C3orf20: variants seen among roughly 807,000 people sequenced by gnomAD.
C3orf20 encodes the protein uncharacterized protein C3orf20.
C3orf20 carries 76 observed loss-of-function variants against 88.3 expected under a neutral mutation model. The observed-to-expected ratio is 0.86, with a 90% CI of 0.72 to 1.04. C3orf20 has a LOEUF of 1.04. C3orf20 is among the 50% of genes least tolerant of loss of function. The probability of loss-of-function intolerance (pLI) is 0.00; values close to 1 mark genes in which losing one functional copy is unlikely to be tolerated. For synonymous variants in C3orf20, 436 were observed against 437.4 expected (o/e 1.00, Z 0.04); for missense variants, 1,056 against 1,123.3 (o/e 0.94, Z 0.86).
intron 1 of C3orf20, among the ~76,000 whole-genome samples, chr3:14,681,137 G>A (rs879694219): frequency 3.3e-5 from 5 of 152,234 alleles, no homozygotes; most frequent in Non-Finnish European, 5.9e-5. Flanking sequence ...TGTGCCAGGA[G>A]TCTGCAGATG....
intron 15 of C3orf20, 110 bp downstream of exon 15, chr3:14,761,725 G>T: frequency 2.0e-4 from 122 of 601,442 alleles, no homozygotes; most frequent in Non-Finnish European, 2.7e-4. Context: ...GGGCTGAAGG[G>T]ATGGAGTGGG....
intron 10 of C3orf20, among the ~76,000 whole-genome samples, chr3:14,723,705 A>G (rs1369416027): frequency 6.6e-6 from 1 of 152,246 alleles, no homozygotes; most frequent in Non-Finnish European, 1.5e-5. Flanking sequence ...CTGGGCTGAG[A>G]TAAATGATCT....
rs546863748 is a variant in C3orf20 at position 14,762,944 on chromosome 3, G to A, written c.2495+1329G>A. ...TCAGAGCACTCAGCGGGGAAGGCAG[G>A]CCCAGGAGGAGCCTGTGGATGGTAA... On this transcript the variant is annotated intron_variant, in intron 15 of 16. Transcript: ENST00000253697. Among the ~76,000 whole-genome samples the A allele has an allele frequency of 2.6e-5, 4 of 152,326 alleles. No individual in the cohort carries two copies. The East Asian group carries it at 7.7e-4, about 29-fold the overall frequency.
Position 14,768,011 on chromosome 3 carries a change from A to G in C3orf20, c.2496-4056A>G, listed in dbSNP as rs999251430. On this transcript the variant is annotated intron_variant, in intron 15 of 16. Transcript: ENST00000253697. The surrounding 1 kb of genome is among the most constrained non-coding windows in gnomAD (Gnocchi z 4.1). ...AGACCTGATAAAGACAGAGCGCTAC[A>G]GAAACACCAATGTGAGCCTCAAGAG... Among the ~76,000 whole-genome samples the G allele has an allele frequency of 9.2e-5, 14 of 152,268 alleles. No individual in the cohort carries two copies. The highest frequency in any genetic ancestry group is 9.2e-4 in the Admixed American group (14 of 15,294).
chr3:14,687,908 G>A (rs569799158), intron 4 of C3orf20, among the ~76,000 whole-genome samples: 66 of 152,268 alleles, frequency 4.3e-4, no homozygotes, highest in African/African-American at 1.5e-3. Context: ...TGCACCAGCC[G>A]ATTGCTGAGA....
chr3:14,684,868 C>A (rs1454034683), intron 4 of C3orf20, among the ~76,000 whole-genome samples: 1 of 152,160 alleles, frequency 6.6e-6, no homozygotes, highest in African/African-American at 2.4e-5. Flanking sequence ...GAAGCTCACA[C>A]ATGTTCCAGA....
At chr3:14,686,988 A>C (rs2032463922) in intron 4 of C3orf20, among the ~76,000 whole-genome samples, 3 of 152,214 alleles carry the variant, frequency 2.0e-5, no homozygotes. Flanking sequence ...TCATGAAGTC[A>C]ATGAAAGTGA....
At chr3:14,766,611 C>T (rs919014457) in intron 15 of C3orf20, among the ~76,000 whole-genome samples, 3 of 152,224 alleles carry the variant, frequency 2.0e-5, no homozygotes, top group Admixed American at 2.0e-4. Context: ...TTTGCAGGCC[C>T]CTATCTGTGC....
rs1021219664 is a variant in C3orf20 at position 14,772,371 on chromosome 3, C to T, written c.2630+170C>T. Among the ~76,000 whole-genome samples, 1 of 152,164 alleles carries T rather than the reference C, an allele frequency of 6.6e-6. No homozygotes were observed. Among genetic ancestry groups the T allele is most frequent in the African/African-American group, 2.4e-5 (1 of 41,434 alleles). ...AATATTGGGCGGGCATGCAGGCTGCCCTGGAGCTGCTCGCAGTGGTCTGGG... is the reference window on the plus strand; with the variant it reads ...AATATTGGGCGGGCATGCAGGCTGCTCTGGAGCTGCTCGCAGTGGTCTGGG... On this transcript the variant is annotated intron_variant, in intron 16 of 16. Coordinates refer to ENST00000253697, the MANE Select transcript of C3orf20 (RefSeq NM_032137.5). The surrounding 1 kb of genome is among the most constrained non-coding windows in gnomAD (Gnocchi z 4.2).
At chr3:14,700,662 C>T (rs2033219391) in intron 5 of C3orf20, among the ~76,000 whole-genome samples, 1 of 152,168 alleles carries the variant, frequency 6.6e-6, no homozygotes. Context: ...ATTATAGGGT[C>T]TTAATCTTGT....
intron 12 of C3orf20, among the ~76,000 whole-genome samples, chr3:14,740,047 TAGCACTTTTAATTTCCTTCA>T (rs2034854802): frequency 2.0e-5 from 3 of 152,184 alleles, no homozygotes; most frequent in Non-Finnish European, 4.4e-5. Flanking sequence ...TTCATTGGAG[TAGCACTTTTAATTTCCTTCA>T]TGAACTTTTT....
At chr3:14,690,496 A>G (rs2032673137) in intron 5 of C3orf20, among the ~76,000 whole-genome samples, 2 of 152,238 alleles carry the variant, frequency 1.3e-5, no homozygotes, top group Non-Finnish European at 2.9e-5. Flanking sequence ...GGGAACTAGT[A>G]TCTGAAGAGA....
At chr3:14,748,428 T>A (rs1012374943) in intron 12 of C3orf20, among the ~76,000 whole-genome samples, 1 of 152,144 alleles carries the variant, frequency 6.6e-6, no homozygotes, top group African/African-American at 2.4e-5. Context: ...TTTCTCTCTA[T>A]GGTTTATCTA....
At chr3:14,763,265 T>A (rs1044646386) in intron 15 of C3orf20, among the ~76,000 whole-genome samples, 3 of 152,204 alleles carry the variant, frequency 2.0e-5, no homozygotes, top group Admixed American at 2.0e-4. Context: ...CTTAGCCTGT[T>A]GAACATTTAT....
chr3:14,688,137 A>G (rs919193671), intron 4 of C3orf20, among the ~76,000 whole-genome samples: 3 of 152,202 alleles, frequency 2.0e-5, no homozygotes, highest in Non-Finnish European at 4.4e-5. Context: ...AGAAGATTCA[A>G]ACTCTGATGA....
chr3:14,703,278 C>T lies in C3orf20; in HGVS notation c.878+16C>T. 2 of 1,613,864 alleles carry T rather than the reference C, an allele frequency of 1.2e-6. No homozygotes were observed. The highest frequency in any genetic ancestry group is 8.5e-7 in the Non-Finnish European group (1 of 1,180,002). On this transcript the variant is annotated intron_variant, in intron 6 of 16. Transcript: ENST00000253697. ...GTCGCCACATGTGAGCACCTCAGTG[C>T]TTGGGTCGGGGGAGTCAAGGGTTCT...
chr3:14,765,391 A>G (rs1298343634), intron 15 of C3orf20: 1 of 152,246 alleles, frequency 6.6e-6, no homozygotes, highest in Non-Finnish European at 1.5e-5. Flanking sequence ...GTGAGGGACC[A>G]TTATGCTGGA....
At chr3:14,754,729 T>A (rs1162114241) in intron 12 of C3orf20, among the ~76,000 whole-genome samples, 1 of 152,116 alleles carries the variant, frequency 6.6e-6, no homozygotes, top group East Asian at 1.9e-4. Flanking sequence ...AAATCTTTAT[T>A]TTTATTTATT....
intron 12 of C3orf20, among the ~76,000 whole-genome samples, chr3:14,741,695 G>A (rs1434431991): frequency 6.6e-6 from 1 of 152,166 alleles, no homozygotes; most frequent in Non-Finnish European, 1.5e-5. Flanking sequence ...TTACTGAAGA[G>A]GTGTTACAGC....
Sources: allele counts gnomAD v4.1 joint callset (sites outside exome capture counted in the v4.1 genomes callset), GRCh38; gene constraint gnomAD v4.1.1; non-coding constraint Gnocchi (gnomAD v3.1); transcripts MANE v1.5; gene names NCBI Gene and HGNC (gene_info 2026-07-23, HGNC 2026-07-21).